The following PRKD3 variants were observed in gnomAD, a reference collection of about 807,000 sequenced individuals.
PRKD3 encodes serine/threonine-protein kinase D3.
In PRKD3, 47 loss-of-function variants were observed where a neutral mutation model predicts 99.2. That is an observed-to-expected ratio of 0.47 (90% CI 0.38 to 0.60). The LOEUF is 0.60. Among genes scored for constraint, PRKD3 ranks in the 20% least tolerant of loss-of-function variants. The probability of loss-of-function intolerance (pLI) is 0.00; values close to 1 mark genes in which losing one functional copy is unlikely to be tolerated. For synonymous variants in PRKD3, 392 were observed against 355.4 expected, an observed-to-expected ratio of 1.10 and a Z score of -1.16; for missense variants, 1,019 against 1,088.4, an observed-to-expected ratio of 0.94 and a Z score of 0.90.
chr2:37,317,978 A>C (rs937556865), intron 1 of PRKD3: 1 of 151,412 alleles, frequency 6.6e-6, no homozygotes, highest in Admixed American at 6.6e-5. Flanking sequence ...AAAAAGTTAA[A>C]AAAAAAAAAA....
intron 2 of PRKD3, among the ~76,000 whole-genome samples, chr2:37,310,510 A>G (rs1010906292): frequency 1.3e-5 from 2 of 152,236 alleles, no homozygotes; most frequent in African/African-American, 4.8e-5. Context: ...CTATAACACT[A>G]TACTGCTTCA....
At chr2:37,299,660 T>A (rs1324618780) in intron 2 of PRKD3, among the ~76,000 whole-genome samples, 2 of 151,696 alleles carry the variant, frequency 1.3e-5, no homozygotes, top group Non-Finnish European at 2.9e-5. Context: ...ATAACCAGAA[T>A]ATATAAGGAG....
In PRKD3 at chr2:37,287,277, A is replaced by G. The variant is rs559255494; in HGVS notation, c.718-908T>C. 7.9e-3 allele frequency among the ~76,000 whole-genome samples: 1,156 copies of G among 146,876 alleles called. 33 individuals carry two copies. The highest frequency in any genetic ancestry group is 0.029 in the African/African-American group (1,097 of 37,560). Reference sequence around the variant, plus strand: ...AAAAAAAAAAAAAAAAGAAAAAGAAAAAGAAAAAGAAAAATACCTGCCTAC... The same window carrying G: ...AAAAAAAAAAAAAAAAGAAAAAGAAGAAGAAAAAGAAAAATACCTGCCTAC... On this transcript the variant is annotated intron_variant, in intron 5 of 18. Transcript: ENST00000234179.
intron 12 of PRKD3, 82 bp downstream of exon 12, chr2:37,272,297 CA>C: frequency 1.3e-6 from 2 of 1,551,654 alleles, no homozygotes; most frequent in Non-Finnish European, 1.7e-6. Context: ...GGCGATGAAC[CA>C]ATTTCTCTAA....
intron 6 of PRKD3, among the ~76,000 whole-genome samples, chr2:37,284,878 G>C (rs1400147293): frequency 1.3e-5 from 2 of 152,020 alleles, no homozygotes; most frequent in Non-Finnish European, 2.9e-5. Flanking sequence ...TGCCATGCTG[G>C]TGTGCTGCAC....
intron 5 of PRKD3, among the ~76,000 whole-genome samples, chr2:37,287,274 GA>G (rs1670159846): frequency 1.0e-5 from 1 of 98,764 alleles, no homozygotes; most frequent in South Asian, 3.3e-4. Context: ...AAAAGAAAAA[GA>G]AAAAGAAAAA....
At chr2:37,308,259 T>C (rs1180855098) in intron 2 of PRKD3, among the ~76,000 whole-genome samples, 2 of 152,218 alleles carry the variant, frequency 1.3e-5, no homozygotes, top group Non-Finnish European at 2.9e-5. Context: ...TATATATGTA[T>C]ACGTTATAAT....
chr2:37,316,459 C>A lies in PRKD3; in HGVS notation c.66G>T (p.Val22=). ...TTGAACACGGAGAAGCAGCTGGAAG[C>A]ACAGCAGGAATAGCTGTGGGTAATA... The part of the protein sequence containing the change: ...KSVLPTAIPA[V]LPAASPCSSP... Residue 22 remains valine, a synonymous_variant, in exon 2 of 19, where the codon GTG becomes GTT. Coordinates refer to ENST00000234179, the MANE Select transcript of PRKD3 (RefSeq NM_005813.6). The A allele has an allele frequency of 6.2e-7, 1 of 1,614,228 alleles. No individual in the cohort carries two copies. The highest frequency in any genetic ancestry group is 8.5e-7 in the Non-Finnish European group (1 of 1,180,046).
At chr2:37,280,918 A>G (rs1403759630) in intron 7 of PRKD3, among the ~76,000 whole-genome samples, 1 of 152,208 alleles carries the variant, frequency 6.6e-6, no homozygotes, top group Non-Finnish European at 1.5e-5. Flanking sequence ...TGAAAAATAA[A>G]CAGATAAGTA....
intron 12 of PRKD3, among the ~76,000 whole-genome samples, chr2:37,271,628 A>G (rs1669270507): frequency 6.6e-6 from 1 of 152,190 alleles, no homozygotes; most frequent in South Asian, 2.1e-4. Flanking sequence ...CTGCCATATC[A>G]GCAGAGGCAT....
chr2:37,322,449 C>G lies in PRKD3; in HGVS notation c.-656+2232G>C, dbSNP rs559931574. ...CAGTGACAGTTGAATCTCAGTCCTT[C>G]CACTGTCAGAGAGTACTGAGAGAGC... On this transcript the variant is annotated intron_variant, in intron 1 of 18. Coordinates refer to ENST00000234179, the MANE Select transcript of PRKD3 (RefSeq NM_005813.6). Among the ~76,000 whole-genome samples the G allele has an allele frequency of 3.9e-5, 6 of 152,172 alleles. No homozygotes were observed. The East Asian group carries it at 1.2e-3, about 29-fold the overall frequency.
In PRKD3 at chr2:37,259,674, A is replaced by G; in HGVS notation, c.2054T>C (p.Val685Ala). The G allele has an allele frequency of 1.9e-6, 3 of 1,608,358 alleles. No individual in the cohort carries two copies. The highest frequency in any genetic ancestry group is 2.6e-6 in the Non-Finnish European group (3 of 1,175,388). Residue 685 changes from valine to alanine, a missense_variant, in exon 16 of 19, where the codon GTT (valine) becomes GCT (alanine). Val to Ala is a moderately conservative substitution (Grantham distance 64). This residue lies in a region of PRKD3 where 184 missense variants were observed against 275.1 expected (regional missense o/e 0.67). Transcript: ENST00000234179. ...ITKFMVTQILVALRNLHFKNI... is the reference protein window; with the variant it reads ...ITKFMVTQILAALRNLHFKNI... The stretch of plus-strand genomic sequence containing the variant: ...CTTAAAATGCAGATTCCTCAAAGCA[A>G]CAAGTATCTGTTATGAAAAAAGATT...
chr2:37,298,330 TG>T (rs2124861701), intron 2 of PRKD3, among the ~76,000 whole-genome samples: 2 of 151,766 alleles, frequency 1.3e-5, no homozygotes, highest in East Asian at 3.9e-4. Flanking sequence ...TTTACACAAA[TG>T]GCAGCACACT....
At chr2:37,314,464 C>T (rs529732665) in intron 2 of PRKD3, among the ~76,000 whole-genome samples, 7 of 152,300 alleles carry the variant, frequency 4.6e-5, no homozygotes, top group African/African-American at 1.4e-4. Context: ...CCACTCCTCA[C>T]ATTTATATTA....
At chr2:37,280,054 C>CT (rs72038621) in intron 7 of PRKD3, 125 bp from the exon 8 acceptor site, 38,072 of 460,214 alleles carry the variant, frequency 0.083, no homozygotes, top group Middle Eastern at 0.13. Context: ...AAGTATTTCT[C>CT]TTTTTTTTTT....
intron 10 of PRKD3, among the ~76,000 whole-genome samples, chr2:37,275,309 T>C (rs754813565): frequency 2.0e-5 from 3 of 152,148 alleles, no homozygotes; most frequent in Admixed American, 6.5e-5. Flanking sequence ...TGCTATCAGT[T>C]TGTGATGTGG....
Position 37,290,884 on chromosome 2 carries a change from T to G in PRKD3, c.543A>C (p.Gln181His). The change falls in exon 4 of 19, where the codon CAA becomes CAC. Residue 181 changes from glutamine (Q) to histidine (H), a missense_variant. Physicochemically the swap from Gln to His is conservative, Grantham distance 24. Around this residue, in one of 3 missense-constraint regions of PRKD3, gnomAD observed 710 missense variants for 692.7 expected, o/e 1.02. Coordinates refer to ENST00000234179, the MANE Select transcript of PRKD3 (RefSeq NM_005813.6). Reference protein sequence around the residue: ...CGEMLWGLVRQGLKCEGCGLN... With the variant: ...CGEMLWGLVRHGLKCEGCGLN... ...AACACACACCTTCACATTTCAGTCC[T>G]TGACGTACCAATCCCCAGAGCATCT... 1.2e-6 allele frequency: 2 copies of G among 1,604,888 alleles called. No individual in the cohort carries two copies. The highest frequency in any genetic ancestry group is 1.7e-6 in the Non-Finnish European group (2 of 1,172,914).
chr2:37,268,675 A>C, intron 13 of PRKD3: 1 of 200,234 alleles, frequency 5.0e-6, no homozygotes. Context: ...GCCCTGAAGT[A>C]TGAAAAAATG....
chr2:37,308,208 T>C (rs1671247921), intron 2 of PRKD3, among the ~76,000 whole-genome samples: 2 of 152,354 alleles, frequency 1.3e-5, no homozygotes, highest in South Asian at 4.1e-4. Context: ...ACCTATATAA[T>C]ACTTGCCGTA....
Sources: allele counts gnomAD v4.1 joint callset (sites outside exome capture counted in the v4.1 genomes callset), GRCh38; gene constraint gnomAD v4.1.1; regional missense constraint gnomAD v4.1.1; transcripts MANE v1.5; gene names NCBI Gene and HGNC (gene_info 2026-07-23, HGNC 2026-07-21).